Variants in KIAA1217 observed in about 807,000 individuals in gnomAD.
KIAA1217 encodes KIAA1217.
In KIAA1217, 88 loss-of-function variants were observed where a neutral mutation model predicts 163.9. That is an observed-to-expected ratio of 0.54 (90% CI 0.45 to 0.64). KIAA1217 has a LOEUF of 0.64. Among genes scored for constraint, KIAA1217 ranks in the 30% least tolerant of loss-of-function variants. The probability of loss-of-function intolerance (pLI) is 0.00; values close to 1 mark genes in which losing one functional copy is unlikely to be tolerated. For missense variants in KIAA1217, 2,372 were observed against 2,475.0 expected, an observed-to-expected ratio of 0.96 and a Z score of 0.88; for synonymous variants, 903 against 923.1, an observed-to-expected ratio of 0.98 and a Z score of 0.39.
At chr10:24,441,634 G>A (rs1057078455) in intron 5 of KIAA1217, among the ~76,000 whole-genome samples, 3 of 151,986 alleles carry the variant, frequency 2.0e-5, no homozygotes, top group Non-Finnish European at 2.9e-5. Flanking sequence ...TGTGGTTCTC[G>A]GCTGGAACTC....
chr10:24,224,809 C>T (rs1192832797), intron 2 of KIAA1217, among the ~76,000 whole-genome samples: 3 of 147,390 alleles, frequency 2.0e-5, no homozygotes, highest in Admixed American at 6.8e-5. Flanking sequence ...TAAATTAGTA[C>T]TTAAAATCAT....
intron 3 of KIAA1217, among the ~76,000 whole-genome samples, chr10:24,420,897 G>A (rs2058676885): frequency 6.6e-6 from 1 of 152,152 alleles, no homozygotes; most frequent in African/African-American, 2.4e-5. Context: ...CGTGTGCCAA[G>A]CCACACTGGC....
At chr10:24,285,657 T>G (rs1380664489) in intron 2 of KIAA1217, among the ~76,000 whole-genome samples, 3 of 152,232 alleles carry the variant, frequency 2.0e-5, no homozygotes. Flanking sequence ...TTGTTCTTTT[T>G]GTTTAAGGTT....
intron 2 of KIAA1217, among the ~76,000 whole-genome samples, chr10:24,317,963 T>C (rs1199197753): frequency 6.6e-6 from 1 of 151,970 alleles, no homozygotes; most frequent in African/African-American, 2.4e-5. Flanking sequence ...GTCAAACCCC[T>C]GACTGGGTAT....
At chr10:23,958,425 T>C (rs1048102896) in intron 1 of KIAA1217, among the ~76,000 whole-genome samples, 2 of 152,118 alleles carry the variant, frequency 1.3e-5, no homozygotes, top group Non-Finnish European at 2.9e-5. Flanking sequence ...CAGTGCTTTA[T>C]AGGTGGGTAA....
At chr10:24,283,245 C>T (rs1024457132) in intron 2 of KIAA1217, among the ~76,000 whole-genome samples, 27 of 152,134 alleles carry the variant, frequency 1.8e-4, no homozygotes, top group African/African-American at 6.5e-4. Context: ...TTGCCTTTCC[C>T]AGAATGTCAT....
At chr10:23,994,182 C>T (rs1191890251) in intron 1 of KIAA1217, among the ~76,000 whole-genome samples, 3 of 152,164 alleles carry the variant, frequency 2.0e-5, no homozygotes, top group Admixed American at 6.5e-5. Context: ...AAAACCCTCC[C>T]ATTGACAAGC....
chr10:23,926,878 A>T (rs926093836), intron 1 of KIAA1217, among the ~76,000 whole-genome samples: 6 of 152,000 alleles, frequency 3.9e-5, no homozygotes, highest in African/African-American at 1.4e-4. Context: ...TATTTGAGAC[A>T]GCAGTCTATC....
chr10:24,158,287 C>T (rs914988038), intron 2 of KIAA1217: 28 of 706,156 alleles, frequency 4.0e-5, no homozygotes, highest in South Asian at 2.6e-4. Flanking sequence ...TTCTCCTTCC[C>T]GGTTGGATCC....
At chr10:24,402,516 C>CAAACA (rs1554849270) in intron 3 of KIAA1217, among the ~76,000 whole-genome samples, 25 of 92,978 alleles carry the variant, frequency 2.7e-4, no homozygotes, top group African/African-American at 1.0e-3. Context: ...CTCAAAAAAA[C>CAAACA]AAAAAACAAA....
chr10:24,190,304 G>A (rs2066656848), intron 2 of KIAA1217, among the ~76,000 whole-genome samples: 1 of 152,124 alleles, frequency 6.6e-6, no homozygotes, highest in East Asian at 1.9e-4. Flanking sequence ...ATATTTTGGG[G>A]TAACATGTTT....
At chr10:24,139,969 A>G (rs1382553487) in intron 2 of KIAA1217, among the ~76,000 whole-genome samples, 1 of 152,012 alleles carries the variant, frequency 6.6e-6, no homozygotes, top group African/African-American at 2.4e-5. Flanking sequence ...TTATGAATAG[A>G]TTTGTTCTTC....
intron 2 of KIAA1217, among the ~76,000 whole-genome samples, chr10:24,070,650 C>T (rs1010978301): frequency 2.0e-5 from 3 of 152,106 alleles, no homozygotes; most frequent in Non-Finnish European, 4.4e-5. Flanking sequence ...GTCTCAGGGT[C>T]AAATCTGATA....
At chr10:24,079,162 T>A (rs1223386656) in intron 2 of KIAA1217, among the ~76,000 whole-genome samples, 1 of 152,184 alleles carries the variant, frequency 6.6e-6, no homozygotes, top group Non-Finnish European at 1.5e-5. Flanking sequence ...ATTCATCAAG[T>A]AGCCACAATG....
intron 1 of KIAA1217, among the ~76,000 whole-genome samples, chr10:23,772,376 A>G (rs111746705): frequency 1.3e-5 from 2 of 152,194 alleles, no homozygotes; most frequent in South Asian, 2.1e-4. Flanking sequence ...GTAGTAGCCA[A>G]TGTTAAAAAT....
At chr10:23,967,142 T>G (rs12266288) in intron 1 of KIAA1217, among the ~76,000 whole-genome samples, 64,104 of 151,854 alleles carry the variant, frequency 0.42, 16,675 homozygotes, top group African/African-American at 0.74. Flanking sequence ...AATGGCAAAA[T>G]TGTTAGAAAA....
chr10:23,704,416 C>T (rs1836746067), intron 1 of KIAA1217, among the ~76,000 whole-genome samples: 1 of 151,458 alleles, frequency 6.6e-6, no homozygotes, highest in African/African-American at 2.4e-5. Flanking sequence ...TTTTCATCTC[C>T]CCTAAAAGAA....
At chr10:24,472,686 C>T (rs2063656408) in intron 5 of KIAA1217, among the ~76,000 whole-genome samples, 1 of 152,202 alleles carries the variant, frequency 6.6e-6, no homozygotes, top group African/African-American at 2.4e-5. Context: ...GTTGCTGTAA[C>T]AAATTACCAT....
chr10:23,698,538 T>G (rs191997849), intron 1 of KIAA1217, among the ~76,000 whole-genome samples: 9 of 152,280 alleles, frequency 5.9e-5, no homozygotes, highest in Admixed American at 2.6e-4. Flanking sequence ...AAGTTTATTT[T>G]GGAAATTTAG....
Sources: gnomAD v4.1 joint callset for allele counts (sites outside exome capture counted in the v4.1 genomes callset) on GRCh38, gnomAD v4.1.1 for gene constraint, MANE v1.5 for transcripts, NCBI Gene and HGNC (gene_info 2026-07-23, HGNC 2026-07-21) for gene names.